HRH1: variants seen among roughly 807,000 people sequenced by gnomAD.
HRH1 encodes histamine H1 receptor.
HRH1 carries 6 observed loss-of-function variants against 10.3 expected under a neutral mutation model. That is an observed-to-expected ratio of 0.58 (90% CI 0.32 to 1.15). The LOEUF (loss-of-function observed/expected upper bound fraction) is 1.15, where lower values mean the gene tolerates loss of function less well. Among genes scored for constraint, HRH1 ranks in the 50% most tolerant of loss-of-function variants. The probability of loss-of-function intolerance (pLI) is 0.05; values close to 1 mark genes in which losing one functional copy is unlikely to be tolerated. For missense variants in HRH1, 514 were observed against 615.3 expected, an observed-to-expected ratio of 0.84 and a Z score of 1.74; for synonymous variants, 242 against 236.7, an observed-to-expected ratio of 1.02 and a Z score of -0.21.
intron 1 of HRH1, among the ~76,000 whole-genome samples, chr3:11,248,484 C>T (rs1282644263): frequency 1.3e-5 from 2 of 152,110 alleles, no homozygotes; most frequent in South Asian, 2.1e-4. Context: ...CTTTCTTGGT[C>T]GATGAAATGC....
chr3:11,253,636 A>G (rs972133152), intron 1 of HRH1, among the ~76,000 whole-genome samples: 3 of 152,066 alleles, frequency 2.0e-5, no homozygotes, highest in Non-Finnish European at 4.4e-5. Context: ...TTTTATTACC[A>G]TCTCCCTAAG....
chr3:11,252,341 T>G (rs346075), intron 1 of HRH1, among the ~76,000 whole-genome samples: 83,098 of 152,048 alleles, frequency 0.55, 23,996 homozygotes, highest in East Asian at 0.66. Flanking sequence ...CACAGAAAAT[T>G]TAAGACATGG....
chr3:11,174,926 A>T (rs1937221879), intron 1 of HRH1, among the ~76,000 whole-genome samples: 1 of 152,180 alleles, frequency 6.6e-6, no homozygotes, highest in Non-Finnish European at 1.5e-5. Context: ...GGCAACATTC[A>T]GTAAAGAAAG....
intron 1 of HRH1, among the ~76,000 whole-genome samples, chr3:11,218,255 G>C (rs1427382621): frequency 6.6e-6 from 1 of 151,982 alleles, no homozygotes; most frequent in Non-Finnish European, 1.5e-5. Context: ...GACCAGCCTG[G>C]CCAATATGGT....
At chr3:11,228,681 C>A (rs2125043264) in intron 1 of HRH1, among the ~76,000 whole-genome samples, 1 of 152,074 alleles carries the variant, frequency 6.6e-6, no homozygotes, top group Admixed American at 6.6e-5. Flanking sequence ...CTTTGGGAGG[C>A]CGAGATGGGT....
At chr3:11,211,579 C>T (rs1231239227) in intron 1 of HRH1, among the ~76,000 whole-genome samples, 1 of 152,232 alleles carries the variant, frequency 6.6e-6, no homozygotes, top group Non-Finnish European at 1.5e-5. Flanking sequence ...CCCAGGGCAG[C>T]TCCATGCCTC....
chr3:11,186,155 G>A (rs1305110277), intron 1 of HRH1, among the ~76,000 whole-genome samples: 2 of 152,090 alleles, frequency 1.3e-5, no homozygotes, highest in Non-Finnish European at 2.9e-5. Context: ...GTCAGGTTTG[G>A]CATCCGGACA....
At chr3:11,241,639 C>G (rs184265430) in intron 1 of HRH1, among the ~76,000 whole-genome samples, 61 of 151,774 alleles carry the variant, frequency 4.0e-4, no homozygotes, top group Non-Finnish European at 7.8e-4. Context: ...CGAAACCATC[C>G]TGGCTAACAC....
At chr3:11,157,430 T>C (rs1425908258) in intron 1 of HRH1, among the ~76,000 whole-genome samples, 1 of 152,222 alleles carries the variant, frequency 6.6e-6, no homozygotes. Context: ...TGGCAGAGGA[T>C]CATTCAAGCC....
At chr3:11,137,532 G>C (rs1205178835) in intron 1 of HRH1, 1 of 153,346 alleles carries the variant, frequency 6.5e-6, no homozygotes, top group African/African-American at 2.4e-5. Flanking sequence ...CTGATTGGAT[G>C]CTGGAGTGAT....
chr3:11,205,916 T>G (rs1344139314), intron 1 of HRH1, among the ~76,000 whole-genome samples: 3 of 152,098 alleles, frequency 2.0e-5, no homozygotes, highest in African/African-American at 4.8e-5. Context: ...CGCCGCGGCC[T>G]CCCAAAGTGC....
At chr3:11,237,967 C>A (rs1009645098) in intron 1 of HRH1, among the ~76,000 whole-genome samples, 5 of 152,110 alleles carry the variant, frequency 3.3e-5, no homozygotes, top group Non-Finnish European at 7.4e-5. Context: ...TGAGCCACTG[C>A]GCCCAGCCTC....
At chr3:11,178,592 C>T (rs13077064) in intron 1 of HRH1, among the ~76,000 whole-genome samples, 20,104 of 152,184 alleles carry the variant, frequency 0.13, 2,381 homozygotes, top group African/African-American at 0.32. Context: ...TGCCCAAGAA[C>T]TTCCACCTTC....
At chr3:11,229,335 A>C (rs1237857456) in intron 1 of HRH1, among the ~76,000 whole-genome samples, 3 of 152,204 alleles carry the variant, frequency 2.0e-5, no homozygotes, top group Non-Finnish European at 4.4e-5. Context: ...TGGGGACAGC[A>C]AGTTCATTTT....
At chr3:11,169,063 G>A (rs1372309429) in intron 1 of HRH1, among the ~76,000 whole-genome samples, 1 of 152,210 alleles carries the variant, frequency 6.6e-6, no homozygotes, top group Non-Finnish European at 1.5e-5. Context: ...GGGCAGGGTG[G>A]TATAGTGATT....
At chr3:11,139,373 G>A (rs1241685838) in intron 1 of HRH1, among the ~76,000 whole-genome samples, 9 of 150,750 alleles carry the variant, frequency 6.0e-5, no homozygotes, top group South Asian at 2.1e-4. Context: ...TCCGCCTCCC[G>A]GGTTCAAGCA....
At chr3:11,209,840 C>G (rs972313750) in intron 1 of HRH1, among the ~76,000 whole-genome samples, 1 of 152,276 alleles carries the variant, frequency 6.6e-6, no homozygotes, top group Non-Finnish European at 1.5e-5. Context: ...GGATGAGGCT[C>G]GGATGTGGAG....
At chr3:11,202,460 T>C (rs1250197148) in intron 1 of HRH1, among the ~76,000 whole-genome samples, 25 of 136,518 alleles carry the variant, frequency 1.8e-4, no homozygotes, top group Non-Finnish European at 4.8e-5. Context: ...AAAGGGAACC[T>C]TTGTTTGGGA....
At chr3:11,197,675 CA>C in intron 1 of HRH1, among the ~76,000 whole-genome samples, 1 of 152,270 alleles carries the variant, frequency 6.6e-6, no homozygotes, top group Admixed American at 6.6e-5. Flanking sequence ...AATCACTGGT[CA>C]TCGCTGTAAA....
Sources: gnomAD v4.1 joint callset for allele counts (sites outside exome capture counted in the v4.1 genomes callset) on GRCh38, gnomAD v4.1.1 for gene constraint, MANE v1.5 for transcripts, NCBI Gene and HGNC (gene_info 2026-07-23, HGNC 2026-07-21) for gene names.